Variants in NFIB observed in about 807,000 individuals in gnomAD.
The protein encoded by NFIB is nuclear factor 1 B-type.
A neutral mutation model predicts 61.5 loss-of-function variants in NFIB; 11 were observed. That is an observed-to-expected ratio of 0.18 (90% confidence interval 0.11 to 0.30). The LOEUF is 0.30. Among genes scored for constraint, NFIB ranks in the 10% least tolerant of loss-of-function variants. NFIB has a pLI of 1.00. For missense variants in NFIB, 471 were observed against 608.9 expected (o/e 0.77, Z 2.38); for synonymous variants, 260 against 216.5 (o/e 1.20, Z -1.76).
intron 2 of NFIB, among the ~76,000 whole-genome samples, chr9:14,260,969 A>C (rs1472760302): frequency 3.3e-5 from 4 of 122,864 alleles, no homozygotes; most frequent in Non-Finnish European, 5.1e-5. Flanking sequence ...AGGTATACTA[A>C]ATTGGTGGAA....
At chr9:14,130,573 T>C (rs553002019) in intron 6 of NFIB, among the ~76,000 whole-genome samples, 25 of 152,290 alleles carry the variant, frequency 1.6e-4, no homozygotes, top group African/African-American at 5.5e-4. Context: ...CCACTGCGTA[T>C]GCTTTTTTTA....
chr9:14,194,503 T>C (rs1411400240), intron 2 of NFIB, among the ~76,000 whole-genome samples: 3 of 152,168 alleles, frequency 2.0e-5, no homozygotes, highest in African/African-American at 7.2e-5. Flanking sequence ...AACCAAATTT[T>C]TTATTACACA....
intron 8 of NFIB, among the ~76,000 whole-genome samples, chr9:14,118,505 AG>A (rs562967603): frequency 1.1e-4 from 17 of 152,116 alleles, no homozygotes; most frequent in Non-Finnish European, 2.1e-4. Context: ...AAGTCAATGC[AG>A]ACAACTTTCC....
At chr9:14,187,137 C>A (rs2047464375) in intron 2 of NFIB, among the ~76,000 whole-genome samples, 1 of 150,986 alleles carries the variant, frequency 6.6e-6, no homozygotes, top group African/African-American at 2.5e-5. Context: ...TTCAATAGGG[C>A]ATTAAATTAT....
chr9:14,339,303 C>T (rs1038084114), intron 1 of NFIB, among the ~76,000 whole-genome samples: 3 of 152,124 alleles, frequency 2.0e-5, no homozygotes, highest in Non-Finnish European at 2.9e-5. Flanking sequence ...TATTGTTGTT[C>T]AGGACAACAT....
At chr9:14,336,881 C>G (rs1157392294) in intron 1 of NFIB, among the ~76,000 whole-genome samples, 1 of 152,174 alleles carries the variant, frequency 6.6e-6, no homozygotes, top group Non-Finnish European at 1.5e-5. Context: ...CATACACTCT[C>G]CGTCACAACT....
intron 2 of NFIB, among the ~76,000 whole-genome samples, chr9:14,252,161 T>C (rs552227460): frequency 1.3e-5 from 2 of 152,306 alleles, no homozygotes; most frequent in South Asian, 4.1e-4. Context: ...AGATCCACTT[T>C]TTAATCTTTC....
intron 2 of NFIB, among the ~76,000 whole-genome samples, chr9:14,187,027 A>ATG (rs71491637): frequency 0.012 from 747 of 60,968 alleles, 5 homozygotes; most frequent in South Asian, 0.046. Context: ...GTGTGTGTGT[A>ATG]TGTGTGTGTG....
chr9:14,490,744 T>C, the NFIB span, among the ~76,000 whole-genome samples: 1 of 152,192 alleles, frequency 6.6e-6, no homozygotes, highest in African/African-American at 2.4e-5. Context: ...GAGATATCAA[T>C]GCGATACCAT....
At chr9:14,216,124 T>G (rs182400179) in intron 2 of NFIB, among the ~76,000 whole-genome samples, 1 of 152,222 alleles carries the variant, frequency 6.6e-6, no homozygotes, top group East Asian at 1.9e-4. Flanking sequence ...TTCATCTTCA[T>G]AACAAAAGAT....
At chr9:14,415,684 G>A in the NFIB span, among the ~76,000 whole-genome samples, 9 of 152,168 alleles carry the variant, frequency 5.9e-5, no homozygotes, top group Non-Finnish European at 1.3e-4. Context: ...AGAAAGAACT[G>A]CATTTAAGAG....
intron 3 of NFIB, among the ~76,000 whole-genome samples, chr9:14,170,006 TA>T (rs2131349686): frequency 6.6e-6 from 1 of 152,342 alleles, no homozygotes; most frequent in Non-Finnish European, 1.5e-5. Context: ...CTCGGGTAAT[TA>T]GACACATATC....
intron 2 of NFIB, among the ~76,000 whole-genome samples, chr9:14,266,645 G>A (rs1182329322): frequency 4.0e-5 from 6 of 151,496 alleles, no homozygotes; most frequent in African/African-American, 9.7e-5. Flanking sequence ...TGCTTCCCTC[G>A]GATCTCCTCT....
chr9:14,461,580 G>A, the NFIB span, among the ~76,000 whole-genome samples: 2 of 152,136 alleles, frequency 1.3e-5, no homozygotes, highest in Non-Finnish European at 2.9e-5. Context: ...ACCCCTTCTG[G>A]ATATAGTACT....
chr9:14,236,141 C>T (rs893680969), intron 2 of NFIB, among the ~76,000 whole-genome samples: 13 of 152,140 alleles, frequency 8.5e-5, no homozygotes, highest in East Asian at 5.8e-4. Context: ...GACATGTGTA[C>T]GCATTATAGC....
At chr9:14,185,664 A>C (rs1205595474) in intron 2 of NFIB, among the ~76,000 whole-genome samples, 2 of 152,194 alleles carry the variant, frequency 1.3e-5, no homozygotes, top group East Asian at 3.9e-4. Flanking sequence ...CCATCAGTCT[A>C]TAAACTATAA....
At chr9:14,261,574 G>C (rs1377999031) in intron 2 of NFIB, among the ~76,000 whole-genome samples, 3 of 152,080 alleles carry the variant, frequency 2.0e-5, no homozygotes, top group Non-Finnish European at 1.5e-5. Context: ...TAGTGTGCAA[G>C]GGGGAGAATG....
intron 1 of NFIB, among the ~76,000 whole-genome samples, chr9:14,382,000 C>A (rs1274102690): frequency 6.6e-6 from 1 of 152,158 alleles, no homozygotes; most frequent in Non-Finnish European, 1.5e-5. Context: ...TGCTAAAAAC[C>A]TGAGAATTTG....
intron 3 of NFIB, among the ~76,000 whole-genome samples, chr9:14,158,108 C>T (rs1356004941): frequency 7.1e-6 from 1 of 140,418 alleles, no homozygotes; most frequent in Non-Finnish European, 1.5e-5. Flanking sequence ...AAGACTCCAT[C>T]TCAAAAAAAA....
Sources: gnomAD v4.1 joint callset for allele counts (sites outside exome capture counted in the v4.1 genomes callset) on GRCh38, gnomAD v4.1.1 for gene constraint, MANE v1.5 for transcripts, NCBI Gene and HGNC (gene_info 2026-07-23, HGNC 2026-07-21) for gene names.